CAMKMT: variants seen among roughly 807,000 people sequenced by gnomAD.
The protein encoded by CAMKMT is calmodulin-lysine N-methyltransferase.
Under a neutral mutation model 48.0 loss-of-function variants are expected in CAMKMT, and 53 were observed. That is an observed-to-expected ratio of 1.10 (90% confidence interval 0.89 to 1.39). The LOEUF is 1.39. CAMKMT is among the 40% of genes most tolerant of loss of function. CAMKMT has a pLI of 0.00. For missense variants in CAMKMT, 428 were observed against 402.7 expected (o/e 1.06, Z -0.54); for synonymous variants, 165 against 152.3 (o/e 1.08, Z -0.61).
At chr2:44,596,762 C>T (rs972335631) in intron 3 of CAMKMT, among the ~76,000 whole-genome samples, 3 of 152,160 alleles carry the variant, frequency 2.0e-5, no homozygotes, top group African/African-American at 7.2e-5. Context: ...GGAAATCTCA[C>T]CCCGAGAAAA....
chr2:44,451,416 G>A (rs1322997023), intron 3 of CAMKMT, among the ~76,000 whole-genome samples: 1 of 151,832 alleles, frequency 6.6e-6, no homozygotes, highest in East Asian at 1.9e-4. Context: ...TGGAGGATCT[G>A]TTCTTTCCAA....
chr2:44,727,103 C>CT (rs372154912), intron 7 of CAMKMT, among the ~76,000 whole-genome samples: 5 of 151,920 alleles, frequency 3.3e-5, no homozygotes, highest in Admixed American at 2.0e-4. Context: ...TATTTGGACT[C>CT]TTTTTTTGGT....
intron 3 of CAMKMT, among the ~76,000 whole-genome samples, chr2:44,538,421 C>G (rs962503876): frequency 2.0e-5 from 3 of 151,056 alleles, no homozygotes; most frequent in African/African-American, 7.3e-5. Context: ...AGTATATATA[C>G]ACCATGGCAT....
At chr2:44,525,842 A>ATTCTT (rs1029862177) in intron 3 of CAMKMT, among the ~76,000 whole-genome samples, 1 of 32,686 alleles carries the variant, frequency 3.1e-5, no homozygotes, top group Admixed American at 2.8e-4. Context: ...TTTCCCAAGA[A>ATTCTT]TTCTTTTCTT....
chr2:44,514,027 G>A (rs901978984), intron 3 of CAMKMT, among the ~76,000 whole-genome samples: 1 of 151,682 alleles, frequency 6.6e-6, no homozygotes, highest in Admixed American at 6.6e-5. Context: ...ACCTGGGTTC[G>A]GGAGGTGGAG....
intron 7 of CAMKMT, among the ~76,000 whole-genome samples, chr2:44,727,003 C>G (rs115655445): frequency 6.6e-6 from 1 of 152,290 alleles, no homozygotes; most frequent in Non-Finnish European, 1.5e-5. Flanking sequence ...CAGTACCAAG[C>G]TGTTTTGGTG....
At chr2:44,479,787 A>G (rs1668873205) in intron 3 of CAMKMT, among the ~76,000 whole-genome samples, 1 of 152,208 alleles carries the variant, frequency 6.6e-6, no homozygotes, top group African/African-American at 2.4e-5. Flanking sequence ...TTCCCTTTTA[A>G]GATTTAAGTA....
chr2:44,389,240 C>T (rs899169225), intron 2 of CAMKMT, among the ~76,000 whole-genome samples: 19 of 152,174 alleles, frequency 1.2e-4, no homozygotes, highest in Non-Finnish European at 2.4e-4. Context: ...ATAAAGAAAC[C>T]AGTCACATTG....
intron 3 of CAMKMT, among the ~76,000 whole-genome samples, chr2:44,432,058 C>G (rs1361376272): frequency 1.3e-5 from 2 of 152,118 alleles, no homozygotes; most frequent in African/African-American, 4.8e-5. Context: ...ACAGCAAGGC[C>G]AGGATGATTT....
chr2:44,517,775 AT>A (rs1175739644), intron 3 of CAMKMT, among the ~76,000 whole-genome samples: 1 of 152,226 alleles, frequency 6.6e-6, no homozygotes, highest in Non-Finnish European at 1.5e-5. Context: ...AGTTAGAAAG[AT>A]CATCAACAAT....
At chr2:44,458,294 G>A (rs548413753) in intron 3 of CAMKMT, among the ~76,000 whole-genome samples, 5 of 152,048 alleles carry the variant, frequency 3.3e-5, no homozygotes, top group Admixed American at 1.3e-4. Context: ...TGATCCGCCC[G>A]CCTCGGCCTC....
intron 3 of CAMKMT, among the ~76,000 whole-genome samples, chr2:44,517,480 G>C (rs1281370102): frequency 6.6e-6 from 1 of 152,166 alleles, no homozygotes; most frequent in East Asian, 1.9e-4. Context: ...AAAAACCAAA[G>C]TCAAAAAGAT....
chr2:44,460,218 T>C (rs1009094755), intron 3 of CAMKMT, among the ~76,000 whole-genome samples: 2 of 152,214 alleles, frequency 1.3e-5, no homozygotes, highest in Non-Finnish European at 2.9e-5. Flanking sequence ...AAAAAAGCCA[T>C]GGCTACCTTC....
intron 1 of CAMKMT, among the ~76,000 whole-genome samples, chr2:44,371,627 G>T (rs1572653863): frequency 1.3e-5 from 2 of 152,026 alleles, no homozygotes; most frequent in Admixed American, 1.3e-4. Context: ...AATCATTCAG[G>T]TACTGATAAG....
chr2:44,737,078 G>C (rs939044045), intron 7 of CAMKMT, among the ~76,000 whole-genome samples: 1 of 151,940 alleles, frequency 6.6e-6, no homozygotes, highest in East Asian at 1.9e-4. Context: ...TACTTCGTTG[G>C]GATCTGAATG....
intron 3 of CAMKMT, among the ~76,000 whole-genome samples, chr2:44,692,872 C>T (rs1198791511): frequency 6.6e-6 from 1 of 152,140 alleles, no homozygotes; most frequent in African/African-American, 2.4e-5. Flanking sequence ...GACCCCAGAT[C>T]CCTAGGTAGT....
At chr2:44,750,062 A>T (rs1257016549) in intron 8 of CAMKMT, among the ~76,000 whole-genome samples, 1 of 152,196 alleles carries the variant, frequency 6.6e-6, no homozygotes, top group Non-Finnish European at 1.5e-5. Context: ...TGAATGGAAC[A>T]GTTTTCCATA....
At position 44,613,236 on chromosome 2, in the gene CAMKMT, A is replaced by G. The variant is rs146800261; in HGVS notation, c.377-91047A>G. Among the ~76,000 whole-genome samples, 7 of 152,342 alleles carry G rather than the reference A, an allele frequency of 4.6e-5. No homozygotes were observed. The East Asian group carries it at 5.8e-4, about 13-fold the overall frequency. On this transcript the variant is annotated intron_variant, in intron 3 of 10. Transcript: ENST00000378494. ...CTACTATATGCAGCAGTCAGCTGGTATACAGCAGAACAAGGATACCAGTTG... is the reference window on the plus strand; with the variant it reads ...CTACTATATGCAGCAGTCAGCTGGTGTACAGCAGAACAAGGATACCAGTTG...
intron 2 of CAMKMT, among the ~76,000 whole-genome samples, chr2:44,375,841 A>G (rs545252977): frequency 6.6e-6 from 1 of 151,746 alleles, no homozygotes; most frequent in Non-Finnish European, 1.5e-5. Flanking sequence ...GCTGGAGTGC[A>G]GTAGCCCATT....
Sources: allele counts gnomAD v4.1 joint callset (sites outside exome capture counted in the v4.1 genomes callset), GRCh38; gene constraint gnomAD v4.1.1; transcripts MANE v1.5; gene names NCBI Gene and HGNC (gene_info 2026-07-23, HGNC 2026-07-21).